MALRD1: variants seen among roughly 807,000 people sequenced by gnomAD.
The protein encoded by MALRD1 is MAM and LDL receptor class A domain containing 1.
A neutral mutation model predicts 242.1 loss-of-function variants in MALRD1; 247 were observed. The observed-to-expected ratio is 1.02, with a 90% confidence interval of 0.92 to 1.13. The LOEUF (loss-of-function observed/expected upper bound fraction) is 1.13. Among genes scored for constraint, MALRD1 ranks in the 50% most tolerant of loss-of-function variants. The probability of loss-of-function intolerance (pLI) is 0.00; values close to 1 mark genes in which losing one functional copy is unlikely to be tolerated. For synonymous variants in MALRD1, 995 were observed against 866.6 expected (o/e 1.15, Z -2.60); for missense variants, 2,989 against 2,533.1 (o/e 1.18, Z -3.86).
rs377290375 is a variant in MALRD1, at chr10:19,729,720, TC to T, written c.6315-985del. Among the ~76,000 whole-genome samples, 540 of 115,988 alleles carry T rather than the reference TC, an allele frequency of 4.7e-3. 7 individuals are homozygous for T. Among genetic ancestry groups the T allele is most frequent in the Non-Finnish European group, 7.5e-3 (426 of 56,428 alleles). The allele number at this position is 115,988 out of a possible 152,430, so 76.1% of individuals were successfully genotyped here. Reference sequence around the variant, plus strand: ...CGTGTCTTCTAATAAGTCTATTAATTCTTTTTTTTTTTTTTTTTTTTTTTTT... The same window carrying T: ...CGTGTCTTCTAATAAGTCTATTAATTTTTTTTTTTTTTTTTTTTTTTTTTT... On this transcript the variant is annotated intron_variant, in intron 38 of 39. Transcript: ENST00000454679.
At chr10:19,414,198 T>G (rs949079412) in intron 28 of MALRD1, among the ~76,000 whole-genome samples, 3 of 152,156 alleles carry the variant, frequency 2.0e-5, no homozygotes, top group Admixed American at 2.0e-4. Context: ...TCCTACATAT[T>G]TTCCAGAACG....
At chr10:19,688,074 G>A (rs1442421330) in intron 36 of MALRD1, among the ~76,000 whole-genome samples, 2 of 151,896 alleles carry the variant, frequency 1.3e-5, no homozygotes, top group African/African-American at 4.8e-5. Context: ...GGTTCAAGCA[G>A]TTCTCCTGCC....
chr10:19,366,395 A>G (rs1306496147), intron 26 of MALRD1, among the ~76,000 whole-genome samples: 1 of 151,998 alleles, frequency 6.6e-6, no homozygotes, highest in Non-Finnish European at 1.5e-5. Flanking sequence ...TCAGGTGGTA[A>G]TGTGAGTGGT....
chr10:19,698,979 G>C (rs1035861433), intron 38 of MALRD1, among the ~76,000 whole-genome samples: 2 of 152,030 alleles, frequency 1.3e-5, no homozygotes, highest in Non-Finnish European at 2.9e-5. Flanking sequence ...TACCATAAGT[G>C]AGAGTTGAAC....
intron 28 of MALRD1, among the ~76,000 whole-genome samples, chr10:19,419,374 A>C (rs1589047774): frequency 6.6e-6 from 1 of 152,182 alleles, no homozygotes; most frequent in East Asian, 1.9e-4. Context: ...AGCTCACTGT[A>C]ACCTCCACCT....
At chr10:19,288,205 G>A (rs1262675287) in intron 21 of MALRD1, among the ~76,000 whole-genome samples, 2 of 151,818 alleles carry the variant, frequency 1.3e-5, no homozygotes, top group Non-Finnish European at 2.9e-5. Context: ...ATATATTTAT[G>A]GACTGCATAA....
chr10:19,287,829 A>T (rs1007566374), intron 21 of MALRD1, among the ~76,000 whole-genome samples: 3 of 152,158 alleles, frequency 2.0e-5, no homozygotes, highest in African/African-American at 4.8e-5. Context: ...GTGTATAGTT[A>T]TATAGTTGTT....
At chr10:19,400,137 A>G (rs543577394) in intron 28 of MALRD1, among the ~76,000 whole-genome samples, 1 of 152,268 alleles carries the variant, frequency 6.6e-6, no homozygotes, top group Admixed American at 6.5e-5. Flanking sequence ...GGAGCTTGTG[A>G]GTTTAAAGTG....
chr10:19,218,265 A>T (rs1837410465), intron 18 of MALRD1, among the ~76,000 whole-genome samples: 1 of 152,180 alleles, frequency 6.6e-6, no homozygotes, highest in Admixed American at 6.5e-5. Flanking sequence ...TATTCACGCC[A>T]ATTATGACAG....
chr10:19,154,727 A>G (rs1023392846), intron 11 of MALRD1, among the ~76,000 whole-genome samples: 8 of 152,180 alleles, frequency 5.3e-5, no homozygotes, highest in African/African-American at 1.9e-4. Flanking sequence ...TAAAAAGTAA[A>G]GCTCTTGTGG....
chr10:19,122,757 ACT>A (rs1837109248), intron 5 of MALRD1, among the ~76,000 whole-genome samples: 2 of 151,912 alleles, frequency 1.3e-5, no homozygotes, highest in African/African-American at 4.8e-5. Flanking sequence ...ATGGAGTCTC[ACT>A]CTGTCACCCA....
At chr10:19,474,690 A>G (rs2131152080) in intron 29 of MALRD1, among the ~76,000 whole-genome samples, 2 of 152,206 alleles carry the variant, frequency 1.3e-5, no homozygotes, top group South Asian at 4.1e-4. Flanking sequence ...GTTTTCTCAA[A>G]GAAGCATTTT....
At chr10:19,711,960 G>A (rs915104046) in intron 38 of MALRD1, among the ~76,000 whole-genome samples, 1 of 152,186 alleles carries the variant, frequency 6.6e-6, no homozygotes. Flanking sequence ...AAGGGGGCAG[G>A]TGGTCAGTTG....
chr10:19,456,238 G>A (rs940243726), intron 29 of MALRD1, among the ~76,000 whole-genome samples: 6 of 152,132 alleles, frequency 3.9e-5, no homozygotes, highest in African/African-American at 1.4e-4. Context: ...AAAATACCTT[G>A]AGGGTAAAAT....
At chr10:19,153,691 G>GAA (rs58719373) in intron 11 of MALRD1, among the ~76,000 whole-genome samples, 47 of 143,676 alleles carry the variant, frequency 3.3e-4, no homozygotes, top group Admixed American at 1.3e-3. Context: ...CCTGTCTCAG[G>GAA]AAAAAAAAAA....
chr10:19,668,447 A>G (rs940629225), intron 36 of MALRD1, among the ~76,000 whole-genome samples: 6 of 152,140 alleles, frequency 3.9e-5, no homozygotes, highest in African/African-American at 2.4e-5. Context: ...TCCAGTGATC[A>G]TTTTTTCAGG....
At chr10:19,293,669 C>T (rs544888590) in intron 21 of MALRD1, among the ~76,000 whole-genome samples, 2 of 152,248 alleles carry the variant, frequency 1.3e-5, no homozygotes, top group Non-Finnish European at 1.5e-5. Flanking sequence ...AAACCAAATA[C>T]TGTATGCTCT....
chr10:19,692,378 C>G lies in MALRD1; in HGVS notation c.6217+17C>G. The G allele has an allele frequency of 6.5e-7, 1 of 1,533,360 alleles. No individual in the cohort carries two copies. The highest frequency in any genetic ancestry group is 8.7e-7 in the Non-Finnish European group (1 of 1,144,860). 95.0% of individuals were successfully genotyped at this position (1,533,360 alleles called of 1,614,324 possible). A position where few individuals can be genotyped will look rare whatever the true frequency, so the allele number is the denominator to read the frequency against. On this transcript the variant is annotated intron_variant, in intron 37 of 39. Transcript: ENST00000454679. ...CTCAGAATAGTAGGTGACATTATGA[C>G]TAAATAAATGGCTTGGTTTGGGGTG...
In MALRD1 at chr10:19,266,176, A is replaced by G. The variant is rs914109979; in HGVS notation, c.3079+8405A>G. On this transcript the variant is annotated intron_variant, in intron 19 of 39. Coordinates refer to ENST00000454679, the MANE Select transcript of MALRD1 (RefSeq NM_001142308.3). ...TTTTTTTTATCTGTTAAGACATTCT[A>G]TGTCTTTTTGTTGTAGAATGTAATT... is the stretch of plus-strand genomic sequence containing the variant. Among the ~76,000 whole-genome samples the G allele has an allele frequency of 3.3e-5, 5 of 151,168 alleles. No individual in the cohort carries two copies. The East Asian group carries it at 5.9e-4, about 18-fold the overall frequency.
Sources: allele counts gnomAD v4.1 joint callset (sites outside exome capture counted in the v4.1 genomes callset), GRCh38; gene constraint gnomAD v4.1.1; transcripts MANE v1.5; gene names NCBI Gene and HGNC (gene_info 2026-07-23, HGNC 2026-07-21).